Variants in OTOGL observed in about 807,000 individuals in gnomAD.
OTOGL encodes otogelin-like protein.
OTOGL carries 285 observed loss-of-function variants against 318.5 expected under a neutral mutation model. The ratio of observed to expected loss-of-function variants is 0.89; its 90% confidence interval spans 0.81 to 0.99. The LOEUF is 0.99. Ranked by LOEUF, OTOGL falls within the 50% of genes least tolerant of loss-of-function variation. OTOGL has a pLI of 0.00. For missense variants in OTOGL, 2,899 were observed against 2,845.6 expected, an observed-to-expected ratio of 1.02 and a Z score of -0.43; for synonymous variants, 987 against 936.5, an observed-to-expected ratio of 1.05 and a Z score of -0.99.
At chr12:80,278,310 T>C in intron 25 of OTOGL, 35 bp downstream of exon 25, 4 of 1,400,660 alleles carry the variant, frequency 2.9e-6, no homozygotes, top group Non-Finnish European at 3.9e-6. Flanking sequence ...AATATTTTCC[T>C]AAGTAATTGT....
Position 80,167,039 on chromosome 12 carries a change from C to CT in OTOGL, c.-19-42367dup, listed in dbSNP as rs1873873270. Among the ~76,000 whole-genome samples the CT allele has an allele frequency of 2.0e-5, 3 of 152,034 alleles. No homozygotes were observed. The South Asian group carries it at 6.2e-4, about 32-fold the overall frequency. On this transcript the variant is annotated intron_variant, in intron 1 of 58. Coordinates refer to ENST00000547103, the MANE Select transcript of OTOGL (RefSeq NM_001378609.3). ...TTTATTTTAAATTTTGATATTTTAT[C>CT]TTTTTTTGCATTGATTTTTTAAAAT...
At chr12:80,377,722 A>C (rs1461232952) in intron 58 of OTOGL, 126 bp from the exon 59 acceptor site, 6 of 736,480 alleles carry the variant, frequency 8.1e-6, no homozygotes, top group African/African-American at 7.1e-5. Context: ...ATCTTGCAAC[A>C]TGCAGAAGCT....
At chr12:80,243,813 A>T (rs1880595311) in intron 11 of OTOGL, among the ~76,000 whole-genome samples, 1 of 147,972 alleles carries the variant, frequency 6.8e-6, no homozygotes, top group Non-Finnish European at 1.5e-5. Flanking sequence ...ATATATTTCC[A>T]TATATAATGC....
chr12:80,271,375 G>A (rs1260232498), intron 23 of OTOGL, among the ~76,000 whole-genome samples: 2 of 152,068 alleles, frequency 1.3e-5, no homozygotes, highest in Non-Finnish European at 1.5e-5. Context: ...TGTGTTCATT[G>A]TAGCTTTGTA....
rs375422244 is a variant in OTOGL, at chr12:80,270,075, A to G, written c.2466-27A>G. On this transcript the variant is annotated intron_variant, in intron 22 of 58. Coordinates refer to ENST00000547103, the MANE Select transcript of OTOGL (RefSeq NM_001378609.3). ...AAAAAAAAACAACAGATTTGGTTCCATAAATTAACTATTTATTTACTTCTA... is the reference window on the plus strand; with the variant it reads ...AAAAAAAAACAACAGATTTGGTTCCGTAAATTAACTATTTATTTACTTCTA... 5.2e-6 allele frequency: 8 copies of G among 1,535,002 alleles called. No individual in the cohort carries two copies. The African/African-American group carries it at 8.3e-5, about 16-fold the overall frequency.
At position 80,271,722 on chromosome 12, in the gene OTOGL, A is replaced by C; in HGVS notation, c.2593A>C (p.Asn865His). Residue 865 changes from asparagine to histidine, a missense_variant, in exon 24 of 59, where the codon AAT (asparagine) becomes CAT (histidine). Asn to His is a moderately conservative substitution (Grantham distance 68, BLOSUM62 1). Transcript: ENST00000547103. ...CCCTGAATTACCAGCTGGTGGTGTT[A>C]ATTGTGAGACTACATGTGCAAACCT... ...PDPELPAGGVNCETTCANLAM... is the reference protein window; with the variant it reads ...PDPELPAGGVHCETTCANLAM... The C allele has an allele frequency of 1.9e-6, 3 of 1,612,996 alleles. No homozygotes were observed. The highest frequency in any genetic ancestry group is 2.5e-6 in the Non-Finnish European group (3 of 1,179,372).
Position 80,267,246 on chromosome 12 carries a change from C to T in OTOGL, c.2391-7C>T, listed in dbSNP as rs530107991. 64 of 1,506,684 alleles carry T rather than the reference C, an allele frequency of 4.2e-5. No individual in the cohort carries two copies. In the South Asian group the frequency reaches 6.0e-4, roughly 14 times the overall value. 93.3% of individuals were successfully genotyped at this position (1,506,684 alleles called of 1,614,324 possible). On this transcript the variant is annotated splice_region_variant and splice_polypyrimidine_tract_variant and intron_variant, in intron 21 of 58. Transcript: ENST00000547103. ...TATCCTATTTACTTTACTTTTTCTT[C>T]GTATAGATTCCACTGCCGTTGTCAT... is the stretch of plus-strand genomic sequence containing the variant.
chr12:80,280,808 G>T (rs577163063), intron 26 of OTOGL, among the ~76,000 whole-genome samples: 1 of 151,796 alleles, frequency 6.6e-6, no homozygotes, highest in East Asian at 1.9e-4. Context: ...TAACAATATC[G>T]ATTCTTCCTA....
chr12:80,300,250 T>C (rs115380659), intron 27 of OTOGL, among the ~76,000 whole-genome samples: 10 of 151,100 alleles, frequency 6.6e-5, no homozygotes, highest in African/African-American at 2.4e-4. Flanking sequence ...GACTCAAGCA[T>C]AGGGATAGTC....
intron 1 of OTOGL, among the ~76,000 whole-genome samples, chr12:80,167,818 C>T (rs1873922303): frequency 2.7e-5 from 4 of 145,638 alleles, no homozygotes; most frequent in South Asian, 2.1e-4. Flanking sequence ...TACCACATAG[C>T]GGAAAAAAAT....
At chr12:80,368,390 CCA>C (rs35106580) in intron 55 of OTOGL, 81 bp downstream of exon 55, 42 of 880,982 alleles carry the variant, frequency 4.8e-5, no homozygotes, top group Non-Finnish European at 7.4e-5. Flanking sequence ...ATGTCCCCCC[CCA>C]CACACACTGC....
chr12:80,276,415 T>A (rs1340922492), intron 24 of OTOGL, among the ~76,000 whole-genome samples: 1 of 151,804 alleles, frequency 6.6e-6, no homozygotes, highest in African/African-American at 2.4e-5. Context: ...GTTTTGTTAT[T>A]GTTCTTATAG....
intron 1 of OTOGL, among the ~76,000 whole-genome samples, chr12:80,135,277 C>CCCCTTCCCTCCCCTT (rs1871490893): frequency 1.4e-5 from 1 of 69,868 alleles, no homozygotes; most frequent in Non-Finnish European, 3.1e-5. Context: ...CCCCTCCCCT[C>CCCCTTCCCTCCCCTT]CCCTTCCCTT....
At chr12:80,281,214 A>G (rs962874906) in intron 26 of OTOGL, among the ~76,000 whole-genome samples, 3 of 151,868 alleles carry the variant, frequency 2.0e-5, no homozygotes, top group Non-Finnish European at 4.4e-5. Flanking sequence ...TGCTTTGGCT[A>G]GGACTTCCAG....
At chr12:80,375,777 T>C (rs1891145818) in intron 57 of OTOGL, among the ~76,000 whole-genome samples, 1 of 152,168 alleles carries the variant, frequency 6.6e-6, no homozygotes, top group South Asian at 2.1e-4. Flanking sequence ...CTATTCTTTA[T>C]TCTTGAACTT....
intron 35 of OTOGL, among the ~76,000 whole-genome samples, chr12:80,325,703 C>T (rs1887636376): frequency 6.6e-6 from 1 of 152,236 alleles, no homozygotes; most frequent in Non-Finnish European, 1.5e-5. Context: ...TTTCCTGCCT[C>T]TTCTGGTAGC....
chr12:80,368,141 T>C lies in OTOGL; in HGVS notation c.6511-64T>C, dbSNP rs981335514. The stretch of plus-strand genomic sequence containing the variant: ...TGTAGTTATGTTTGGAAGAAATAAC[T>C]CTCCAGAAGTAATTCATTAAAAATA... On this transcript the variant is annotated intron_variant, in intron 54 of 58. Transcript: ENST00000547103. The C allele has an allele frequency of 1.6e-5, 19 of 1,199,788 alleles. No individual in the cohort carries two copies. In the African/African-American group the frequency reaches 2.7e-4, roughly 17 times the overall value. 74.3% of individuals were successfully genotyped at this position (1,199,788 alleles called of 1,614,324 possible). A position where few individuals can be genotyped will look rare whatever the true frequency, so the allele number is the denominator to read the frequency against.
intron 22 of OTOGL, among the ~76,000 whole-genome samples, chr12:80,269,790 A>C (rs1053112592): frequency 6.6e-6 from 1 of 152,108 alleles, no homozygotes; most frequent in African/African-American, 2.4e-5. Flanking sequence ...GTCACACTGC[A>C]TACATTATTT....
At chr12:80,366,662 A>G (rs370765072) in intron 53 of OTOGL, 25 bp downstream of exon 53, 9 of 1,106,446 alleles carry the variant, frequency 8.1e-6, no homozygotes, top group Non-Finnish European at 1.1e-5. Flanking sequence ...TGTAACTTTT[A>G]AATTATAAAT....
Sources: allele counts gnomAD v4.1 joint callset (sites outside exome capture counted in the v4.1 genomes callset), GRCh38; gene constraint gnomAD v4.1.1; transcripts MANE v1.5; gene names NCBI Gene and HGNC (gene_info 2026-07-23, HGNC 2026-07-21).